The following USP24 variants were observed in gnomAD, a reference collection of about 807,000 sequenced individuals.
USP24 encodes ubiquitin specific peptidase 24, also known as ubiquitin carboxyl-terminal hydrolase 24.
Under a neutral mutation model 361.6 loss-of-function variants are expected in USP24, and 97 were observed. That is an observed-to-expected ratio of 0.27 (90% CI 0.23 to 0.32). The LOEUF is 0.32. Among genes scored for constraint, USP24 ranks in the 10% least tolerant of loss-of-function variants. The pLI, the probability that USP24 is intolerant of heterozygous loss-of-function variation, is 1.00. For synonymous variants in USP24, 1,098 were observed against 1,124.6 expected (o/e 0.98, Z 0.47); for missense variants, 2,353 against 3,165.6 (o/e 0.74, Z 6.16).
intron 10 of USP24, among the ~76,000 whole-genome samples, chr1:55,157,670 TA>T (rs529027447): frequency 4.1e-4 from 63 of 151,994 alleles, no homozygotes; most frequent in Admixed American, 2.7e-3. Context: ...CTGTCTCTAC[TA>T]AAAATATAAA....
Position 55,172,391 on chromosome 1 carries a change from C to T in USP24, c.688G>A (p.Gly230Ser). 6.2e-7 allele frequency: 1 copy of T among 1,611,618 alleles called. No homozygotes were observed. The highest frequency in any genetic ancestry group is 8.5e-7 in the Non-Finnish European group (1 of 1,178,810). Reference sequence around the variant, plus strand: ...AGATACTATACCATTGTAAGCACACCCAGGAGACCAGTGGGAATTGGATCT... The same window carrying T: ...AGATACTATACCATTGTAAGCACACTCAGGAGACCAGTGGGAATTGGATCT... ...KQDPIPTGLL[G>S]VLTMAFNPDN... The change falls in exon 4 of 68, where the codon GGT (glycine) becomes AGT (serine). Residue 230 changes from glycine to serine, a missense_variant. Gly to Ser is a moderately conservative substitution (Grantham distance 56). Transcript: ENST00000294383.
intron 1 of USP24, among the ~76,000 whole-genome samples, chr1:55,199,473 G>C (rs1391200775): frequency 6.6e-6 from 1 of 152,072 alleles, no homozygotes; most frequent in Non-Finnish European, 1.5e-5. Flanking sequence ...TCCTTTGGTA[G>C]GATAATGGTA....
intron 7 of USP24, among the ~76,000 whole-genome samples, chr1:55,164,338 G>C: frequency 6.6e-6 from 1 of 152,020 alleles, no homozygotes; most frequent in East Asian, 1.9e-4. Context: ...GTGGGGATCA[G>C]GAAGAAGGAT....
rs1010703913 is a variant in USP24, at chr1:55,132,570, G to T, written c.3512C>A (p.Thr1171Asn). The T allele has an allele frequency of 1.9e-6, 3 of 1,613,528 alleles. No individual in the cohort carries two copies. In the African/African-American group the frequency reaches 4.0e-5, roughly 22 times the overall value. Residue 1171 changes from threonine to asparagine, a missense_variant, in exon 31 of 68, where the codon ACC becomes AAC. Physicochemically the swap from Thr to Asn is moderately conservative, Grantham distance 65. Around this residue, in one of 8 missense-constraint regions of USP24, gnomAD observed 949 missense variants for 1,280.5 expected, o/e 0.74. Transcript: ENST00000294383. ...TTCTAAGTTGTAGAGCACTCTGAAG[G>T]TAGACATTCCCGGGGCAAAAGATCG... ...LFRSFAPGMS[T>N]FRVLYNLEVL...
intron 41 of USP24, among the ~76,000 whole-genome samples, chr1:55,105,585 G>A (rs894783847): frequency 2.0e-5 from 3 of 152,174 alleles, no homozygotes; most frequent in Admixed American, 2.0e-4. Flanking sequence ...GCAGCTTGTA[G>A]CTCTGCCTCT....
chr1:55,188,929 A>T (rs1644208131), intron 1 of USP24, among the ~76,000 whole-genome samples: 1 of 135,316 alleles, frequency 7.4e-6, no homozygotes, highest in Non-Finnish European at 1.5e-5. Context: ...CACCCATTGC[A>T]CTCCAGCCTG....
chr1:55,160,782 C>A (rs1240683877), intron 8 of USP24, among the ~76,000 whole-genome samples: 4 of 152,078 alleles, frequency 2.6e-5, no homozygotes, highest in African/African-American at 9.7e-5. Flanking sequence ...AAATTCTCTT[C>A]CACATAGCAA....
chr1:55,159,886 T>C (rs557741426), intron 8 of USP24, among the ~76,000 whole-genome samples: 3 of 152,204 alleles, frequency 2.0e-5, no homozygotes, highest in Non-Finnish European at 4.4e-5. Context: ...CTCAGCTTCT[T>C]TACTATAATA....
At chr1:55,137,137 A>G (rs1646758915) in intron 28 of USP24, among the ~76,000 whole-genome samples, 1 of 152,210 alleles carries the variant, frequency 6.6e-6, no homozygotes, top group Admixed American at 6.5e-5. Context: ...CCAAGTGAAG[A>G]GTGTTCCAAG....
At chr1:55,087,895 T>C (rs496451) in intron 55 of USP24, among the ~76,000 whole-genome samples, 149,938 of 152,278 alleles carry the variant, frequency 0.98, 73,855 homozygotes, top group East Asian at 1. Context: ...GAGGGGAGGA[T>C]GGTGTTCCAG....
chr1:55,196,313 G>A (rs565371913), intron 1 of USP24, among the ~76,000 whole-genome samples: 7 of 152,264 alleles, frequency 4.6e-5, no homozygotes, highest in South Asian at 2.1e-4. Context: ...GGTGACCTCA[G>A]TGAGTTGAAT....
At chr1:55,096,806 C>T in intron 49 of USP24, 146 bp downstream of exon 49, 6 of 1,321,644 alleles carry the variant, frequency 4.5e-6, no homozygotes, top group Non-Finnish European at 6.2e-6. Context: ...GGGGTAAAAC[C>T]AGTTGCACGA....
intron 32 of USP24, among the ~76,000 whole-genome samples, chr1:55,128,336 G>C (rs1646495030): frequency 6.6e-6 from 1 of 152,124 alleles, no homozygotes; most frequent in Non-Finnish European, 1.5e-5. Context: ...AATTGTTTCA[G>C]GTAATTCTCG....
chr1:55,204,537 C>T (rs1028091889), intron 1 of USP24, among the ~76,000 whole-genome samples: 5 of 151,634 alleles, frequency 3.3e-5, no homozygotes, highest in Non-Finnish European at 7.4e-5. Flanking sequence ...AATTACATCA[C>T]AAAAAATCCT....
chr1:55,148,622 T>A (rs1391928136), intron 16 of USP24, 52 bp from the exon 17 acceptor site: 2 of 1,325,194 alleles, frequency 1.5e-6, no homozygotes, highest in Non-Finnish European at 2.1e-6. Flanking sequence ...AACAGCAGAT[T>A]CATTTATTAG....
intron 63 of USP24, 31 bp downstream of exon 63, chr1:55,075,426 G>A: frequency 6.4e-7 from 1 of 1,562,076 alleles, no homozygotes; most frequent in Non-Finnish European, 8.7e-7. Flanking sequence ...ATTTACTATA[G>A]ACATTTGTGC....
chr1:55,159,717 C>A lies in USP24; in HGVS notation c.994-32G>T, dbSNP rs989938657. On this transcript the variant is annotated intron_variant, in intron 8 of 67. Coordinates refer to ENST00000294383, the MANE Select transcript of USP24 (RefSeq NM_015306.3). Reference sequence around the variant, plus strand: ...AAATAAAATGCTACAGTTAAGAACTCCCGAAGCTGTCCCAAAAGTAGAGAG... The same window carrying A: ...AAATAAAATGCTACAGTTAAGAACTACCGAAGCTGTCCCAAAAGTAGAGAG... The A allele has an allele frequency of 2.5e-5, 39 of 1,530,766 alleles. No homozygotes were observed. The Middle Eastern group carries it at 8.4e-4, about 33-fold the overall frequency. The allele number at this position is 1,530,766 out of a possible 1,614,324, so 94.8% of individuals were successfully genotyped here.
At chr1:55,199,721 ATTG>A (rs1191088739) in intron 1 of USP24, among the ~76,000 whole-genome samples, 2 of 152,082 alleles carry the variant, frequency 1.3e-5, no homozygotes, top group Admixed American at 6.6e-5. Context: ...TGTTCACTGT[ATTG>A]TTCTTTTGAT....
At position 55,099,779 on chromosome 1, in the gene USP24, A is replaced by G; in HGVS notation, c.5362T>C (p.Tyr1788His). 2 of 1,554,278 alleles carry G rather than the reference A, an allele frequency of 1.3e-6. No homozygotes were observed. Among genetic ancestry groups the G allele is most frequent in the East Asian group, 4.8e-5 (2 of 41,666 alleles). Reference sequence around the variant, plus strand: ...AGTACAACTTTTACTACCTTGAGGTATTCATCCATCTGATCAATGAGACTA... The same window carrying G: ...AGTACAACTTTTACTACCTTGAGGTGTTCATCCATCTGATCAATGAGACTA... ...FTSLIDQMDE[Y>H]LKKMGRDQIF... Residue 1788 changes from tyrosine (Y) to histidine (H), a missense_variant, in exon 45 of 68, where the codon TAC becomes CAC. By Grantham distance (83) the Tyr-to-His change is moderately conservative. Coordinates refer to ENST00000294383, the MANE Select transcript of USP24 (RefSeq NM_015306.3).
Sources: allele counts gnomAD v4.1 joint callset (sites outside exome capture counted in the v4.1 genomes callset), GRCh38; gene constraint gnomAD v4.1.1; regional missense constraint gnomAD v4.1.1; transcripts MANE v1.5; gene names NCBI Gene and HGNC (gene_info 2026-07-23, HGNC 2026-07-21).